Variants in ZNF469 observed in about 807,000 individuals in gnomAD.
ZNF469 encodes the protein zinc finger protein 469.
A neutral mutation model predicts 1.0 loss-of-function variants in ZNF469; 1 was observed. The ratio of observed to expected loss-of-function variants is 1.00; its 90% CI spans 0.35 to 4.73. ZNF469 has a LOEUF of 4.73. ZNF469 is among the 30% of genes most tolerant of loss of function. The pLI, the probability that ZNF469 is intolerant of heterozygous loss-of-function variation, is 0.16. For synonymous variants in ZNF469, 2,703 were observed against 2,363.4 expected (o/e 1.14, Z -4.17); for missense variants, 6,100 against 5,356.3 (o/e 1.14, Z -4.33).
chr16:88,366,750 AC>A, the ZNF469 span, among the ~76,000 whole-genome samples: 1 of 151,450 alleles, frequency 6.6e-6, no homozygotes, highest in Non-Finnish European at 1.5e-5. Flanking sequence ...TATCATCATC[AC>A]TATCACCATC....
chr16:88,362,327 A>G, the ZNF469 span, among the ~76,000 whole-genome samples: 1 of 152,214 alleles, frequency 6.6e-6, no homozygotes, highest in Non-Finnish European at 1.5e-5. Flanking sequence ...TCACCCATGT[A>G]GTTACCATTT....
At chr16:88,410,161 G>T (rs1905111623) in intron 1 of ZNF469, among the ~76,000 whole-genome samples, 1 of 150,266 alleles carries the variant, frequency 6.7e-6, no homozygotes, top group South Asian at 2.1e-4. Flanking sequence ...GAAGTTCACG[G>T]TGCAGGTCAC....
chr16:88,187,715 AT>A, the ZNF469 span, among the ~76,000 whole-genome samples: 64,923 of 139,814 alleles, frequency 0.46, 15,074 homozygotes, highest in East Asian at 0.67. Flanking sequence ...GATTGCCTGC[AT>A]TTTTTTTTTT....
chr16:88,121,994 C>T, the ZNF469 span, among the ~76,000 whole-genome samples: 27 of 144,538 alleles, frequency 1.9e-4, no homozygotes, highest in South Asian at 3.1e-3. Flanking sequence ...CTCCGTCACT[C>T]GCTACGGCCA....
chr16:88,315,809 G>A, the ZNF469 span, among the ~76,000 whole-genome samples: 1 of 152,186 alleles, frequency 6.6e-6, no homozygotes, highest in Non-Finnish European at 1.5e-5. Flanking sequence ...GTCCTTGGAG[G>A]CCAAGGGGGT....
the ZNF469 span, among the ~76,000 whole-genome samples, chr16:88,356,346 G>A: frequency 6.6e-6 from 1 of 152,142 alleles, no homozygotes; most frequent in Admixed American, 6.5e-5. Flanking sequence ...AGCCCTAGCG[G>A]GCTTCTTGGG....
At chr16:88,234,389 C>T in the ZNF469 span, among the ~76,000 whole-genome samples, 1 of 152,228 alleles carries the variant, frequency 6.6e-6, no homozygotes, top group Non-Finnish European at 1.5e-5. Context: ...CTTGTGTGAT[C>T]TTGAGGGGCA....
chr16:88,131,604 T>G, the ZNF469 span, among the ~76,000 whole-genome samples: 369 of 147,736 alleles, frequency 2.5e-3, 1 homozygote, highest in African/African-American at 9.4e-3. Flanking sequence ...CTGAAAACAA[T>G]ACCGAATGCC....
At chr16:88,208,649 A>G in the ZNF469 span, among the ~76,000 whole-genome samples, 1 of 135,606 alleles carries the variant, frequency 7.4e-6, no homozygotes, top group Admixed American at 7.4e-5. Context: ...AGAAGGAAGA[A>G]GAGATGGAGG....
chr16:88,292,195 G>C, the ZNF469 span, among the ~76,000 whole-genome samples: 1 of 152,168 alleles, frequency 6.6e-6, no homozygotes, highest in Non-Finnish European at 1.5e-5. Flanking sequence ...GCAGTGGGTG[G>C]GTGCTGCATA....
At chr16:88,145,504 G>T in the ZNF469 span, among the ~76,000 whole-genome samples, 1 of 152,264 alleles carries the variant, frequency 6.6e-6, no homozygotes, top group Admixed American at 6.5e-5. Context: ...GGGCCGAGCT[G>T]CCCTCTTGGG....
the ZNF469 span, among the ~76,000 whole-genome samples, chr16:88,300,711 C>T: frequency 2.0e-5 from 3 of 152,176 alleles, no homozygotes; most frequent in Non-Finnish European, 2.9e-5. Context: ...TGGGGAGCTC[C>T]ATGATGACTC....
At chr16:88,203,504 C>T in the ZNF469 span, among the ~76,000 whole-genome samples, 5 of 140,752 alleles carry the variant, frequency 3.6e-5, no homozygotes, top group African/African-American at 5.1e-5. Context: ...GGGGCGGGGA[C>T]GGGGCGGGGG....
Position 88,428,286 on chromosome 16 carries a change from C to T in ZNF469, c.816C>T (p.Ser272=). Residue 272 remains serine, a synonymous_variant, in exon 3 of 3, where the codon TCC becomes TCT. Coordinates refer to ENST00000565624, the MANE Select transcript of ZNF469 (RefSeq NM_001367624.2). ...SRPGGSPRGV[S]FQFPFPALHG... ...CCGGCGGCAGCCCCAGGGGAGTTTCCTTCCAGTTCCCCTTCCCGGCACTGC... is the reference window on the plus strand; with the variant it reads ...CCGGCGGCAGCCCCAGGGGAGTTTCTTTCCAGTTCCCCTTCCCGGCACTGC... The T allele has an allele frequency of 6.4e-7, 1 of 1,550,424 alleles. No homozygotes were observed. The highest frequency in any genetic ancestry group is 8.7e-7 in the Non-Finnish European group (1 of 1,146,950).
chr16:88,114,623 G>A, the ZNF469 span, among the ~76,000 whole-genome samples: 9 of 152,322 alleles, frequency 5.9e-5, no homozygotes, highest in South Asian at 2.1e-4. Context: ...ATTCTCCTCC[G>A]TGCCTCCAGC....
chr16:88,341,545 G>A, the ZNF469 span, among the ~76,000 whole-genome samples: 1 of 152,228 alleles, frequency 6.6e-6, no homozygotes, highest in East Asian at 1.9e-4. Context: ...TGACTCTCAA[G>A]CCGTGCCCCA....
At chr16:88,117,702 G>C in the ZNF469 span, among the ~76,000 whole-genome samples, 1 of 152,152 alleles carries the variant, frequency 6.6e-6, no homozygotes, top group Admixed American at 6.5e-5. Flanking sequence ...CGTGGAAGAG[G>C]GGCTTTTCCT....
Position 88,438,767 on chromosome 16 carries a change from C to A in ZNF469, c.11297C>A (p.Ala3766Asp). 6.5e-7 allele frequency: 1 copy of A among 1,550,142 alleles called. No individual in the cohort carries two copies. Among genetic ancestry groups the A allele is most frequent in the Non-Finnish European group, 8.7e-7 (1 of 1,146,896 alleles). The change falls in exon 3 of 3, where the codon GCC (alanine) becomes GAC (aspartate). Residue 3766 changes from alanine to aspartate, a missense_variant. Coordinates refer to ENST00000565624, the MANE Select transcript of ZNF469 (RefSeq NM_001367624.2). Reference protein sequence around the residue: ...QLQSETATTPAKPSFPSRSPA... With the variant: ...QLQSETATTPDKPSFPSRSPA... ...CAGAGCGAGACAGCCACCACCCCAG[C>A]CAAGCCCAGCTTCCCCAGCCGGAGC...
the ZNF469 span, among the ~76,000 whole-genome samples, chr16:88,121,471 A>T: frequency 6.6e-6 from 1 of 152,214 alleles, no homozygotes; most frequent in Non-Finnish European, 1.5e-5. Context: ...TCCAGAATGA[A>T]ACGTTCGCAA....
Sources: allele counts gnomAD v4.1 joint callset (sites outside exome capture counted in the v4.1 genomes callset), GRCh38; gene constraint gnomAD v4.1.1; transcripts MANE v1.5; gene names NCBI Gene and HGNC (gene_info 2026-07-23, HGNC 2026-07-21).